Variants in EXOC6B observed in about 807,000 individuals in gnomAD.
EXOC6B encodes the protein SEC15 homolog B.
EXOC6B carries 54 observed loss-of-function variants against 113.5 expected under a neutral mutation model. That is an observed-to-expected ratio of 0.48 (90% CI 0.38 to 0.60). EXOC6B has a LOEUF of 0.60. Ranked by LOEUF, EXOC6B falls within the 20% of genes least tolerant of loss-of-function variation. The pLI is 0.00. For synonymous variants in EXOC6B, 357 were observed against 339.0 expected, an observed-to-expected ratio of 1.05 and a Z score of -0.58; for missense variants, 797 against 977.5, an observed-to-expected ratio of 0.82 and a Z score of 2.46.
chr2:72,776,153 T>A (rs750478372), intron 1 of EXOC6B, among the ~76,000 whole-genome samples: 52 of 152,254 alleles, frequency 3.4e-4, no homozygotes, highest in Non-Finnish European at 6.5e-4. Context: ...TAACTGTATG[T>A]GAAACTGCAA....
At chr2:72,335,128 A>C in intron 19 of EXOC6B, 108 bp from the exon 20 acceptor site, 1 of 966,674 alleles carries the variant, frequency 1.0e-6, no homozygotes, top group South Asian at 1.3e-5. Context: ...AGGAGGACCA[A>C]GCTTCTAAGG....
intron 6 of EXOC6B, among the ~76,000 whole-genome samples, chr2:72,645,523 T>C (rs926045291): frequency 6.6e-6 from 1 of 152,290 alleles, no homozygotes; most frequent in African/African-American, 2.4e-5. Flanking sequence ...ATTCCAAAAT[T>C]GACCACACAG....
In EXOC6B at chr2:72,443,777, A is replaced by C. The variant is rs146823815; in HGVS notation, c.1980+21383T>G. Among the ~76,000 whole-genome samples the C allele has an allele frequency of 4.2e-3, 632 of 152,252 alleles. 5 individuals are homozygous for C. Among genetic ancestry groups the C allele is most frequent in the African/African-American group, 0.014 (575 of 41,538 alleles). On this transcript the variant is annotated intron_variant, in intron 18 of 21. Transcript: ENST00000272427. ...TCATTACCACGAGAACAGTGTGGGA[A>C]AGATCTGCCCCCATGATTCAGTTAC... is the stretch of plus-strand genomic sequence containing the variant.
chr2:72,709,594 G>A (rs187106013), intron 6 of EXOC6B, among the ~76,000 whole-genome samples: 6 of 152,220 alleles, frequency 3.9e-5, no homozygotes, highest in Non-Finnish European at 7.4e-5. Flanking sequence ...GCTTAACCAC[G>A]TAACTGAGAA....
At chr2:72,212,905 T>C (rs560137889) in intron 20 of EXOC6B, among the ~76,000 whole-genome samples, 1 of 152,336 alleles carries the variant, frequency 6.6e-6, no homozygotes, top group Non-Finnish European at 1.5e-5. Flanking sequence ...TCCCATCCCA[T>C]GTGCTGTTTT....
intron 1 of EXOC6B, among the ~76,000 whole-genome samples, chr2:72,767,081 A>G (rs1224740263): frequency 6.6e-6 from 1 of 152,140 alleles, no homozygotes; most frequent in Non-Finnish European, 1.5e-5. Flanking sequence ...AAAAGCCCTC[A>G]GCCAGCAGTT....
chr2:72,424,859 C>A (rs2105276263), intron 18 of EXOC6B, among the ~76,000 whole-genome samples: 1 of 152,160 alleles, frequency 6.6e-6, no homozygotes, highest in East Asian at 1.9e-4. Flanking sequence ...ATTTTAAGTT[C>A]AGGGGTACAT....
At chr2:72,407,224 T>C (rs1441704682) in intron 18 of EXOC6B, among the ~76,000 whole-genome samples, 3 of 152,130 alleles carry the variant, frequency 2.0e-5, no homozygotes, top group Admixed American at 6.5e-5. Context: ...CAATAATTAA[T>C]AGCTTACCAG....
At chr2:72,598,426 G>A (rs1573461217) in intron 6 of EXOC6B, among the ~76,000 whole-genome samples, 1 of 151,812 alleles carries the variant, frequency 6.6e-6, no homozygotes, top group Admixed American at 6.6e-5. Flanking sequence ...TGCTTACAGG[G>A]GAATTTATAG....
chr2:72,209,596 T>C (rs1573002425), intron 20 of EXOC6B, among the ~76,000 whole-genome samples: 1 of 152,194 alleles, frequency 6.6e-6, no homozygotes, highest in Non-Finnish European at 1.5e-5. Context: ...CCTCTGCTAA[T>C]AGGAAGTGTG....
intron 1 of EXOC6B, among the ~76,000 whole-genome samples, chr2:72,780,344 C>A (rs1252762850): frequency 6.6e-6 from 1 of 152,124 alleles, no homozygotes; most frequent in African/African-American, 2.4e-5. Context: ...CTCAGCAGAG[C>A]AAAACAGGAC....
intron 18 of EXOC6B, among the ~76,000 whole-genome samples, chr2:72,435,416 T>C (rs1695793095): frequency 6.6e-6 from 1 of 152,198 alleles, no homozygotes; most frequent in South Asian, 2.1e-4. Context: ...AGATGTCTAT[T>C]AGGTCTGCTC....
intron 18 of EXOC6B, among the ~76,000 whole-genome samples, chr2:72,419,489 A>C (rs1694734382): frequency 6.6e-6 from 1 of 152,192 alleles, no homozygotes; most frequent in Admixed American, 6.5e-5. Context: ...GGAAAAATTT[A>C]GTGGTAATTA....
At chr2:72,453,629 A>T (rs935132509) in intron 18 of EXOC6B, among the ~76,000 whole-genome samples, 2 of 152,194 alleles carry the variant, frequency 1.3e-5, no homozygotes, top group African/African-American at 2.4e-5. Context: ...ATAACATTTC[A>T]CTGAATAATA....
intron 6 of EXOC6B, among the ~76,000 whole-genome samples, chr2:72,697,450 C>A (rs958838811): frequency 6.6e-6 from 1 of 151,966 alleles, no homozygotes; most frequent in Non-Finnish European, 1.5e-5. Context: ...CTTTTGGAAG[C>A]CAAGGTAGGC....
intron 20 of EXOC6B, among the ~76,000 whole-genome samples, chr2:72,202,301 C>T (rs1432418066): frequency 2.0e-5 from 3 of 152,212 alleles, no homozygotes; most frequent in Non-Finnish European, 4.4e-5. Flanking sequence ...CACAGGGTAT[C>T]CTTATTATTC....
At chr2:72,416,776 A>G (rs1177479312) in intron 18 of EXOC6B, among the ~76,000 whole-genome samples, 1 of 152,024 alleles carries the variant, frequency 6.6e-6, no homozygotes, top group Non-Finnish European at 1.5e-5. Flanking sequence ...CACTACTACC[A>G]TGTTGGTGGC....
intron 18 of EXOC6B, among the ~76,000 whole-genome samples, chr2:72,430,507 C>A (rs1345968556): frequency 6.6e-6 from 1 of 152,088 alleles, no homozygotes; most frequent in East Asian, 1.9e-4. Context: ...ATTAGTCAGG[C>A]ATGGTGGCAC....
chr2:72,353,851 G>C (rs1270570476), intron 19 of EXOC6B, among the ~76,000 whole-genome samples: 2 of 152,106 alleles, frequency 1.3e-5, no homozygotes, highest in East Asian at 1.9e-4. Flanking sequence ...CCACAACATA[G>C]TTTTCTTCTT....
Sources: allele counts gnomAD v4.1 joint callset (sites outside exome capture counted in the v4.1 genomes callset), GRCh38; gene constraint gnomAD v4.1.1; transcripts MANE v1.5; gene names NCBI Gene and HGNC (gene_info 2026-07-23, HGNC 2026-07-21).